STAU2: variants seen among roughly 807,000 people sequenced by gnomAD.
STAU2 encodes the protein double-stranded RNA-binding protein Staufen homolog 2.
Under a neutral mutation model 65.9 loss-of-function variants are expected in STAU2, and 20 were observed. The observed-to-expected ratio is 0.30, with a 90% CI of 0.21 to 0.44. The LOEUF (loss-of-function observed/expected upper bound fraction) is 0.44. Among genes scored for constraint, STAU2 ranks in the 20% least tolerant of loss-of-function variants. STAU2 has a pLI of 1.00. For missense variants in STAU2, 558 were observed against 683.9 expected, an observed-to-expected ratio of 0.82 and a Z score of 2.05; for synonymous variants, 232 against 233.9, an observed-to-expected ratio of 0.99 and a Z score of 0.07.
intron 4 of STAU2, among the ~76,000 whole-genome samples, chr8:73,695,947 C>T (rs1236007966): frequency 6.6e-6 from 1 of 152,156 alleles, no homozygotes; most frequent in African/African-American, 2.4e-5. Flanking sequence ...GGGAAAAACC[C>T]GCCACCCTGA....
At chr8:73,478,106 T>C (rs1820413236) in intron 13 of STAU2, among the ~76,000 whole-genome samples, 1 of 150,808 alleles carries the variant, frequency 6.6e-6, no homozygotes. Flanking sequence ...TGCTCACAAT[T>C]TGGGGACAAG....
At chr8:73,733,684 A>C (rs1291642777) in intron 3 of STAU2, among the ~76,000 whole-genome samples, 2 of 152,242 alleles carry the variant, frequency 1.3e-5, no homozygotes, top group East Asian at 3.8e-4. Context: ...CATATAAGCA[A>C]TCCACAAAAG....
intron 13 of STAU2, among the ~76,000 whole-genome samples, chr8:73,522,114 C>T (rs1331791162): frequency 1.3e-5 from 2 of 152,122 alleles, no homozygotes; most frequent in African/African-American, 2.4e-5. Context: ...TCTACTTACC[C>T]AATCTTTGTG....
At chr8:73,506,135 T>G (rs1362582263) in intron 13 of STAU2, among the ~76,000 whole-genome samples, 2 of 152,194 alleles carry the variant, frequency 1.3e-5, no homozygotes. Context: ...CAGGTATTTC[T>G]TTATAGCAAT....
intron 13 of STAU2, among the ~76,000 whole-genome samples, chr8:73,524,391 C>T (rs902564469): frequency 6.6e-6 from 1 of 152,086 alleles, no homozygotes; most frequent in Admixed American, 6.5e-5. Flanking sequence ...TAAATTTGGG[C>T]ATCATCAGCA....
intron 13 of STAU2, among the ~76,000 whole-genome samples, chr8:73,484,169 G>A (rs1424514544): frequency 6.6e-6 from 1 of 152,076 alleles, no homozygotes. Flanking sequence ...CTTGGATATT[G>A]CTAATAAATG....
chr8:73,588,210 G>A (rs1465663248), intron 11 of STAU2, among the ~76,000 whole-genome samples: 2 of 152,214 alleles, frequency 1.3e-5, no homozygotes, highest in African/African-American at 2.4e-5. Context: ...CAAGCAAAAT[G>A]AATTCTAGTG....
chr8:73,503,661 C>T (rs114997287), intron 13 of STAU2, among the ~76,000 whole-genome samples: 113 of 152,002 alleles, frequency 7.4e-4, no homozygotes, highest in African/African-American at 2.4e-3. Flanking sequence ...ATATTAATCA[C>T]TTCTTGGCCT....
At chr8:73,511,112 C>G (rs576215704) in intron 13 of STAU2, among the ~76,000 whole-genome samples, 2 of 152,286 alleles carry the variant, frequency 1.3e-5, no homozygotes, top group African/African-American at 4.8e-5. Context: ...GCATGAGATG[C>G]TCTATCTTAT....
At position 73,603,678 on chromosome 8, in the gene STAU2, C is replaced by T. The variant is rs375440921; in HGVS notation, c.1029+48G>A. On this transcript the variant is annotated intron_variant, in intron 10 of 14. Transcript: ENST00000524300. The stretch of plus-strand genomic sequence containing the variant: ...CCTTTCGCCCAAATGCCTATTCCAT[C>T]CTGGGGATTTCTAAATCTTTTCAAT... The T allele has an allele frequency of 1.6e-4, 258 of 1,589,954 alleles. 1 individual carries two copies. Among genetic ancestry groups the T allele is most frequent in the Middle Eastern group, 4.6e-4 (2 of 4,352 alleles).
At chr8:73,671,844 A>G (rs909028380) in intron 6 of STAU2, among the ~76,000 whole-genome samples, 2 of 151,924 alleles carry the variant, frequency 1.3e-5, no homozygotes, top group Admixed American at 6.6e-5. Flanking sequence ...TGGCCAACAT[A>G]GTGAAACCCC....
At chr8:73,487,188 A>T (rs1820961209) in intron 13 of STAU2, among the ~76,000 whole-genome samples, 1 of 152,068 alleles carries the variant, frequency 6.6e-6, no homozygotes, top group South Asian at 2.1e-4. Flanking sequence ...TGCCAGTGCT[A>T]TCTGTGGGTC....
intron 13 of STAU2, among the ~76,000 whole-genome samples, chr8:73,466,634 C>A (rs1160810535): frequency 6.6e-6 from 1 of 152,220 alleles, no homozygotes; most frequent in Non-Finnish European, 1.5e-5. Flanking sequence ...GTTGCCCTGG[C>A]CTTTCCCACT....
At chr8:73,463,681 T>C (rs1819496037) in intron 13 of STAU2, among the ~76,000 whole-genome samples, 1 of 152,234 alleles carries the variant, frequency 6.6e-6, no homozygotes, top group Non-Finnish European at 1.5e-5. Context: ...GTACTTCATT[T>C]GGGGAGGAGG....
chr8:73,729,302 A>C (rs1320049769), intron 3 of STAU2, among the ~76,000 whole-genome samples: 2 of 152,116 alleles, frequency 1.3e-5, no homozygotes, highest in African/African-American at 4.8e-5. Flanking sequence ...TGCTAGATTC[A>C]GTTTGCTAGT....
At chr8:73,735,735 C>A (rs1348613889) in intron 3 of STAU2, among the ~76,000 whole-genome samples, 1 of 152,170 alleles carries the variant, frequency 6.6e-6, no homozygotes, top group Non-Finnish European at 1.5e-5. Flanking sequence ...CAGGGAATTG[C>A]TTGTGGCCAT....
intron 2 of STAU2, among the ~76,000 whole-genome samples, chr8:73,739,148 G>C (rs1022368511): frequency 1.3e-5 from 2 of 149,256 alleles, no homozygotes; most frequent in Non-Finnish European, 3.0e-5. Context: ...CAGGAGAATT[G>C]CTTGAACCCA....
At chr8:73,706,971 T>G (rs1357155126) in intron 4 of STAU2, among the ~76,000 whole-genome samples, 1 of 152,206 alleles carries the variant, frequency 6.6e-6, no homozygotes, top group Non-Finnish European at 1.5e-5. Context: ...CTCCAGAAAC[T>G]TCCCAGGTAG....
At chr8:73,444,628 T>C (rs748171949) in intron 13 of STAU2, among the ~76,000 whole-genome samples, 3 of 152,146 alleles carry the variant, frequency 2.0e-5, no homozygotes, top group Non-Finnish European at 4.4e-5. Context: ...CCATGGTAAA[T>C]TGTAAGTTCC....
Sources: gnomAD v4.1 joint callset for allele counts (sites outside exome capture counted in the v4.1 genomes callset) on GRCh38, gnomAD v4.1.1 for gene constraint, MANE v1.5 for transcripts, NCBI Gene and HGNC (gene_info 2026-07-23, HGNC 2026-07-21) for gene names.